Variants in SDHB observed in about 807,000 individuals in gnomAD.
The protein encoded by SDHB is succinate dehydrogenase complex iron sulfur subunit B, also known as succinate dehydrogenase [ubiquinone] iron-sulfur subunit, mitochondrial.
In SDHB, 21 loss-of-function variants were observed where a neutral mutation model predicts 39.7. The observed-to-expected ratio is 0.53, with a 90% confidence interval of 0.37 to 0.76. The LOEUF (loss-of-function observed/expected upper bound fraction) is 0.76, where lower values mean the gene tolerates loss of function less well. SDHB is among the 30% of genes least tolerant of loss of function. SDHB has a pLI of 0.00. For missense variants in SDHB, 343 were observed against 350.9 expected (o/e 0.98, Z 0.18); for synonymous variants, 118 against 117.0 (o/e 1.01, Z -0.06).
At chr1:17,051,009 G>A (rs1237133707) in intron 1 of SDHB, among the ~76,000 whole-genome samples, 1 of 152,168 alleles carries the variant, frequency 6.6e-6, no homozygotes, top group Non-Finnish European at 1.5e-5. Flanking sequence ...AGCAACACAG[G>A]TCACTTGATT....
chr1:17,051,518 A>T (rs1281925258), intron 1 of SDHB, among the ~76,000 whole-genome samples: 1 of 152,176 alleles, frequency 6.6e-6, no homozygotes, highest in Non-Finnish European at 1.5e-5. Context: ...GTATGAAGAT[A>T]AGCCTGAGTA....
intron 4 of SDHB, 108 bp downstream of exon 4, chr1:17,028,492 A>G: frequency 5.3e-6 from 6 of 1,133,164 alleles, no homozygotes; most frequent in Non-Finnish European, 7.9e-6. Context: ...CTAGAAGAGG[A>G]GCCTTAAATA....
At chr1:17,020,265 A>G (rs1408279758) in intron 7 of SDHB, among the ~76,000 whole-genome samples, 2 of 152,182 alleles carry the variant, frequency 1.3e-5, no homozygotes, top group Non-Finnish European at 2.9e-5. Context: ...AAGAAAGAGC[A>G]CTGGATGGGG....
chr1:17,042,127 G>A (rs905478770), intron 2 of SDHB, among the ~76,000 whole-genome samples: 7 of 151,862 alleles, frequency 4.6e-5, no homozygotes, highest in African/African-American at 9.7e-5. Flanking sequence ...TCACCATGTC[G>A]GCCTGCTTTG....
chr1:17,041,705 T>C (rs1349550534), intron 2 of SDHB, among the ~76,000 whole-genome samples: 1 of 152,102 alleles, frequency 6.6e-6, no homozygotes, highest in Non-Finnish European at 1.5e-5. Flanking sequence ...ATTAATATGC[T>C]GTAGAGAATC....
At chr1:17,022,255 GAGA>G (rs910785045) in intron 7 of SDHB, among the ~76,000 whole-genome samples, 2 of 152,218 alleles carry the variant, frequency 1.3e-5, no homozygotes, top group African/African-American at 4.8e-5. Context: ...GAGAAAGATG[GAGA>G]AGAAATGAAG....
intron 1 of SDHB, among the ~76,000 whole-genome samples, chr1:17,045,479 T>G (rs946165241): frequency 6.6e-6 from 1 of 151,868 alleles, no homozygotes; most frequent in Non-Finnish European, 1.5e-5. Flanking sequence ...CTGGGTGTCG[T>G]AGTGTGCGTC....
At chr1:17,037,261 T>C (rs2078055083) in intron 2 of SDHB, among the ~76,000 whole-genome samples, 1 of 152,116 alleles carries the variant, frequency 6.6e-6, no homozygotes, top group African/African-American at 2.4e-5. Context: ...AATTTGTTCA[T>C]TAGTTCTAAT....
At chr1:17,042,480 C>A (rs1018081365) in intron 2 of SDHB, among the ~76,000 whole-genome samples, 1 of 152,058 alleles carries the variant, frequency 6.6e-6, no homozygotes, top group Non-Finnish European at 1.5e-5. Flanking sequence ...TTTTTTATCA[C>A]TAAAAAATCG....
At chr1:17,042,870 C>G (rs1388387299) in intron 2 of SDHB, among the ~76,000 whole-genome samples, 1 of 150,516 alleles carries the variant, frequency 6.6e-6, no homozygotes, top group Non-Finnish European at 1.5e-5. Context: ...AAGTATCTGG[C>G]AATATTTTTT....
At chr1:17,047,530 C>A (rs1029796730) in intron 1 of SDHB, among the ~76,000 whole-genome samples, 2 of 149,754 alleles carry the variant, frequency 1.3e-5, no homozygotes, top group Admixed American at 6.7e-5. Flanking sequence ...TACAAAAAAA[C>A]GAATTAGCAG....
At chr1:17,023,212 AGCAG>A (rs1490724653) in intron 6 of SDHB, 4 of 275,498 alleles carry the variant, frequency 1.5e-5, no homozygotes, top group Middle Eastern at 1.3e-3. Flanking sequence ...GCCTGAGATC[AGCAG>A]GCTGAAACGA....
chr1:17,035,999 T>C (rs1477856487), intron 2 of SDHB, among the ~76,000 whole-genome samples: 1 of 152,186 alleles, frequency 6.6e-6, no homozygotes, highest in East Asian at 1.9e-4. Context: ...CTAAATTTCC[T>C]AATAGGTAGG....
intron 2 of SDHB, among the ~76,000 whole-genome samples, chr1:17,043,978 C>T (rs1208542709): frequency 6.6e-6 from 1 of 152,198 alleles, no homozygotes; most frequent in Non-Finnish European, 1.5e-5. Context: ...TTTTGACCTA[C>T]AGAACTATAA....
Position 17,027,868 on chromosome 1 carries a change from G to A in SDHB, c.424-3C>T. 1 of 1,499,004 alleles carries A rather than the reference G, an allele frequency of 6.7e-7. No individual in the cohort carries two copies. Among genetic ancestry groups the A allele is most frequent in the Non-Finnish European group, 9.3e-7 (1 of 1,075,458 alleles). The allele number at this position is 1,499,004 out of a possible 1,614,324, so 92.9% of individuals were successfully genotyped here. On this transcript the variant is annotated splice_region_variant and splice_polypyrimidine_tract_variant and intron_variant, in intron 4 of 7. Transcript: ENST00000375499. ...TGTGCATAGAAGTTGCTCAAATCCTGTGGTTAAGAGGAAGAAGAAGAAGAA... is the reference window on the plus strand; with the variant it reads ...TGTGCATAGAAGTTGCTCAAATCCTATGGTTAAGAGGAAGAAGAAGAAGAA...
chr1:17,048,004 C>T (rs916520492), intron 1 of SDHB, among the ~76,000 whole-genome samples: 1 of 152,096 alleles, frequency 6.6e-6, no homozygotes, highest in Non-Finnish European at 1.5e-5. Context: ...CCAGTCTCCC[C>T]AACAGGAACA....
intron 6 of SDHB, among the ~76,000 whole-genome samples, chr1:17,023,324 T>C (rs77929632): frequency 0.039 from 5,912 of 152,318 alleles, 424 homozygotes; most frequent in African/African-American, 0.14. Flanking sequence ...AGTATGAGTG[T>C]ACTTCATTAT....
At chr1:17,047,029 T>C (rs1202125904) in intron 1 of SDHB, among the ~76,000 whole-genome samples, 2 of 152,198 alleles carry the variant, frequency 1.3e-5, no homozygotes, top group Admixed American at 6.5e-5. Flanking sequence ...CCTTTTTATT[T>C]TTTAATAATT....
At position 17,053,930 on chromosome 1, in the gene SDHB, T is replaced by G. The variant is rs758905319; in HGVS notation, c.72+18A>C. 1.9e-6 allele frequency: 3 copies of G among 1,605,640 alleles called. No individual in the cohort carries two copies. The highest frequency in any genetic ancestry group is 2.2e-5 in the South Asian group (2 of 90,318). ...GTGGCTTTCCTGACTTTTCCCTCTC[T>G]GAGGCTCCAGGACTCACCTGCAGGC... On this transcript the variant is annotated intron_variant, in intron 1 of 7. Transcript: ENST00000375499.
Sources: gnomAD v4.1 joint callset for allele counts (sites outside exome capture counted in the v4.1 genomes callset) on GRCh38, gnomAD v4.1.1 for gene constraint, MANE v1.5 for transcripts, NCBI Gene and HGNC (gene_info 2026-07-23, HGNC 2026-07-21) for gene names.